Variants in NET1 observed in about 807,000 individuals in gnomAD.
NET1 encodes neuroepithelial cell-transforming gene 1 protein.
A neutral mutation model predicts 61.1 loss-of-function variants in NET1; 42 were observed. The ratio of observed to expected loss-of-function variants is 0.69; its 90% CI spans 0.54 to 0.89. The LOEUF (loss-of-function observed/expected upper bound fraction) is 0.89, where lower values mean the gene tolerates loss of function less well. Among genes scored for constraint, NET1 ranks in the 40% least tolerant of loss-of-function variants. The probability of loss-of-function intolerance (pLI) is 0.00; values close to 1 mark genes in which losing one functional copy is unlikely to be tolerated. For missense variants in NET1, 654 were observed against 747.3 expected, an observed-to-expected ratio of 0.88 and a Z score of 1.46; for synonymous variants, 254 against 281.8, an observed-to-expected ratio of 0.90 and a Z score of 0.99.
chr10:5,417,036 A>C lies in NET1; in HGVS notation c.128+4216A>C, dbSNP rs1832093465. Among the ~76,000 whole-genome samples the C allele has an allele frequency of 6.6e-6, 1 of 152,212 alleles. No individual in the cohort carries two copies. The highest frequency in any genetic ancestry group is 2.4e-5 in the African/African-American group (1 of 41,452). On this transcript the variant is annotated intron_variant, in intron 1 of 11. Transcript: ENST00000355029. This position sits in a 1 kb window ranked among gnomAD's most constrained non-coding sequence, Gnocchi z 5.5. ...TGATTGCAAGCTTTTATAGAGTGGA[A>C]GTAGCTCTCAGCAGATGGGGGAGCC...
Position 5,447,385 on chromosome 10 carries a change from C to A in NET1, c.256-4445C>A, listed in dbSNP as rs1008328719. On this transcript the variant is annotated intron_variant, in intron 3 of 11. Transcript: ENST00000355029. This position sits in a 1 kb window ranked among gnomAD's most constrained non-coding sequence, Gnocchi z 4.1. ...ACCAGTGACTCATTATTTTTACCCT[C>A]CTTGCTTTGTCTGAGTCTTTTTTTA... Among the ~76,000 whole-genome samples the A allele has an allele frequency of 5.3e-5, 8 of 152,162 alleles. No individual in the cohort carries two copies. The highest frequency in any genetic ancestry group is 5.2e-4 in the Admixed American group (8 of 15,276).
Position 5,439,913 on chromosome 10 carries a change from A to G in NET1, c.255+10684A>G, listed in dbSNP as rs953881898. ...TCAAAACTATCACAGCAACATTCCC[A>G]AATATAGCAGATACTGCCTCCAAAA... On this transcript the variant is annotated intron_variant, in intron 3 of 11. Coordinates refer to ENST00000355029, the MANE Select transcript of NET1 (RefSeq NM_001047160.3). This position sits in a 1 kb window ranked among gnomAD's most constrained non-coding sequence, Gnocchi z 4.8. Among the ~76,000 whole-genome samples the G allele has an allele frequency of 6.6e-6, 1 of 152,166 alleles. No homozygotes were observed. Among genetic ancestry groups the G allele is most frequent in the Non-Finnish European group, 1.5e-5 (1 of 68,008 alleles).
At position 5,454,186 on chromosome 10, in the gene NET1, G is replaced by C; in HGVS notation, c.769-79G>C. The stretch of plus-strand genomic sequence containing the variant: ...ACTCTCAAGAATAGCTGTACATTTT[G>C]TGTTTCATGTTTGCAGGCTTGTTAA... On this transcript the variant is annotated intron_variant, in intron 8 of 11. Transcript: ENST00000355029. This position sits in a 1 kb window ranked among gnomAD's most constrained non-coding sequence, Gnocchi z 8.1. 7.1e-7 allele frequency: 1 copy of C among 1,400,722 alleles called. No individual in the cohort carries two copies. The highest frequency in any genetic ancestry group is 9.7e-7 in the Non-Finnish European group (1 of 1,028,406). 86.8% of individuals were successfully genotyped at this position (1,400,722 alleles called of 1,614,324 possible).
In NET1 at chr10:5,416,472, T is replaced by C. The variant is rs1462880709; in HGVS notation, c.128+3652T>C. Reference sequence around the variant, plus strand: ...TTCTGATAGAGATTGCATTAAATCTTGTAGATCATTTTCAGGAGTATTGCC... The same window carrying C: ...TTCTGATAGAGATTGCATTAAATCTCGTAGATCATTTTCAGGAGTATTGCC... On this transcript the variant is annotated intron_variant, in intron 1 of 11. Transcript: ENST00000355029. This position sits in a 1 kb window ranked among gnomAD's most constrained non-coding sequence, Gnocchi z 6.1. Among the ~76,000 whole-genome samples, 1 of 152,216 alleles carries C rather than the reference T, an allele frequency of 6.6e-6. No individual in the cohort carries two copies. The highest frequency in any genetic ancestry group is 1.9e-4 in the East Asian group (1 of 5,196).
Position 5,433,557 on chromosome 10 carries a change from A to C in NET1, c.255+4328A>C, listed in dbSNP as rs534568730. On this transcript the variant is annotated intron_variant, in intron 3 of 11. Transcript: ENST00000355029. ...GCATGTTCTTTTCAGTTTGTTTGCAACCTTTATACTTGAAGGTTCATTTGG... is the reference window on the plus strand; with the variant it reads ...GCATGTTCTTTTCAGTTTGTTTGCACCCTTTATACTTGAAGGTTCATTTGG... Among the ~76,000 whole-genome samples the C allele has an allele frequency of 1.1e-4, 17 of 152,136 alleles. No homozygotes were observed. The South Asian group carries it at 3.3e-3, about 30-fold the overall frequency.
At chr10:5,413,287 C>A (rs1832032153) in intron 1 of NET1, among the ~76,000 whole-genome samples, 1 of 152,092 alleles carries the variant, frequency 6.6e-6, no homozygotes, top group Non-Finnish European at 1.5e-5. Context: ...TTGCTCAGAC[C>A]GAAACTGTCA....
Position 5,417,743 on chromosome 10 carries a change from C to G in NET1, c.128+4923C>G, listed in dbSNP as rs1352194272. Among the ~76,000 whole-genome samples the G allele has an allele frequency of 6.6e-6, 1 of 152,110 alleles. No individual in the cohort carries two copies. Among genetic ancestry groups the G allele is most frequent in the African/African-American group, 2.4e-5 (1 of 41,420 alleles). On this transcript the variant is annotated intron_variant, in intron 1 of 11. Coordinates refer to ENST00000355029, the MANE Select transcript of NET1 (RefSeq NM_001047160.3). This position sits in a 1 kb window ranked among gnomAD's most constrained non-coding sequence, Gnocchi z 5.5. ...AAGTGGAGAGACGGGAAATTCTTGT[C>G]TTGTTTCTGATCTTAAGGGGAAAGC...
chr10:5,416,161 C>T lies in NET1; in HGVS notation c.128+3341C>T, dbSNP rs1007417346. 1.3e-5 allele frequency among the ~76,000 whole-genome samples: 2 copies of T among 152,232 alleles called. No homozygotes were observed. The highest frequency in any genetic ancestry group is 4.8e-5 in the African/African-American group (2 of 41,466). On this transcript the variant is annotated intron_variant, in intron 1 of 11. Transcript: ENST00000355029. The surrounding 1 kb of genome is among the most constrained non-coding windows in gnomAD (Gnocchi z 6.1). The stretch of plus-strand genomic sequence containing the variant: ...TTTTTGAAGACTGTTCTTTCTCCCA[C>T]TGAGTAGTCTTAGCACCCTTGTCAA...
chr10:5,440,301 T>C lies in NET1; in HGVS notation c.255+11072T>C, dbSNP rs1471413727. Among the ~76,000 whole-genome samples the C allele has an allele frequency of 6.6e-6, 1 of 152,216 alleles. No individual in the cohort carries two copies. The highest frequency in any genetic ancestry group is 1.5e-5 in the Non-Finnish European group (1 of 68,034). On this transcript the variant is annotated intron_variant, in intron 3 of 11. Transcript: ENST00000355029. This position sits in a 1 kb window ranked among gnomAD's most constrained non-coding sequence, Gnocchi z 4.1. ...AAAGCAAACTACTTTTGACCCTTCT[T>C]ACTAATGAGGATTGAAAAGAACACA... is the stretch of plus-strand genomic sequence containing the variant.
At position 5,422,001 on chromosome 10, in the gene NET1, C is replaced by T. The variant is rs545992664; in HGVS notation, c.129-4654C>T. ...CAGCTGTTGTACATTTGATTTGTTT[C>T]CAGTTTGGTGCTTTTATGGATAATG... is the stretch of plus-strand genomic sequence containing the variant. On this transcript the variant is annotated intron_variant, in intron 1 of 11. Transcript: ENST00000355029. The surrounding 1 kb of genome is among the most constrained non-coding windows in gnomAD (Gnocchi z 4.1). Among the ~76,000 whole-genome samples the T allele has an allele frequency of 5.9e-5, 9 of 152,280 alleles. No homozygotes were observed. The highest frequency in any genetic ancestry group is 1.9e-4 in the East Asian group (1 of 5,192).
rs1055698190 is a variant in NET1 at position 5,446,464 on chromosome 10, C to T, written c.256-5366C>T. The T allele has an allele frequency of 1.5e-6, 1 of 647,054 alleles. No homozygotes were observed. Among genetic ancestry groups the T allele is most frequent in the African/African-American group, 1.9e-5 (1 of 52,122 alleles). The allele number at this position is 647,054 out of a possible 1,614,324, so 40.1% of individuals were successfully genotyped here. A position where few individuals can be genotyped will look rare whatever the true frequency, so the allele number is the denominator to read the frequency against. On this transcript the variant is annotated intron_variant, in intron 3 of 11. Coordinates refer to ENST00000355029, the MANE Select transcript of NET1 (RefSeq NM_001047160.3). This position sits in a 1 kb window ranked among gnomAD's most constrained non-coding sequence, Gnocchi z 5.0. ...TCCTACTTGAACCCAGCTTCACTCTCCTCCTGGGCGAAAGCTGAGAGGCCT... is the reference window on the plus strand; with the variant it reads ...TCCTACTTGAACCCAGCTTCACTCTTCTCCTGGGCGAAAGCTGAGAGGCCT...
rs376326242 is a variant in NET1, at chr10:5,448,134, G to A, written c.256-3696G>A. 4.6e-5 allele frequency among the ~76,000 whole-genome samples: 7 copies of A among 152,182 alleles called. No individual in the cohort carries two copies. In the East Asian group the frequency reaches 5.8e-4, roughly 13 times the overall value. ...AGTTTTGCTAAAGATTTTAAGAGAA[G>A]ATTATTTAACTATTATAACCCAAAG... On this transcript the variant is annotated intron_variant, in intron 3 of 11. Transcript: ENST00000355029.
Position 5,452,885 on chromosome 10 carries a change from C to T in NET1, c.559C>T (p.Gln187Ter), listed in dbSNP as rs768271056. ...AATATATGAAATGTCCCGAGGTGAA[C>T]AGGATTTAATTGAGGATCTCAAACT... ...EAIYEMSRGEQDLIEDLKLAR... is the reference protein window; with the variant it reads ...EAIYEMSRGE Residue 187 changes from glutamine (Q) to a stop codon, truncating the protein, a stop_gained, in exon 6 of 12, where the codon CAG (glutamine) becomes TAG (stop). Coordinates refer to ENST00000355029, the MANE Select transcript of NET1 (RefSeq NM_001047160.3). LOFTEE classifies it high-confidence loss of function. This position sits in a 1 kb window ranked among gnomAD's most constrained non-coding sequence, Gnocchi z 4.0. 5 of 1,613,564 alleles carry T rather than the reference C, an allele frequency of 3.1e-6. No individual in the cohort carries two copies. In the South Asian group the frequency reaches 5.5e-5, roughly 18 times the overall value.
chr10:5,413,584 A>G (rs1832036853), intron 1 of NET1, among the ~76,000 whole-genome samples: 1 of 152,246 alleles, frequency 6.6e-6, no homozygotes, highest in African/African-American at 2.4e-5. Context: ...AAGAATTTCA[A>G]GAAGAGGACG....
chr10:5,438,962 C>T (rs933229824), intron 3 of NET1, among the ~76,000 whole-genome samples: 20 of 152,222 alleles, frequency 1.3e-4, no homozygotes, highest in East Asian at 1.9e-4. Flanking sequence ...GAATCCACAA[C>T]GTAAATCACT....
chr10:5,436,185 GTTGTGTGTGT>G (rs1419617940), intron 3 of NET1, among the ~76,000 whole-genome samples: 2 of 9,000 alleles, frequency 2.2e-4, no homozygotes, highest in Non-Finnish European at 4.3e-4. Flanking sequence ...GTGTGTGTGT[GTTGTGTGTGT>G]GTGTGTGTGT....
At chr10:5,434,891 A>G (rs990973384) in intron 3 of NET1, among the ~76,000 whole-genome samples, 1 of 152,146 alleles carries the variant, frequency 6.6e-6, no homozygotes, top group East Asian at 1.9e-4. Context: ...TATATAAAAT[A>G]TTAATATCCT....
At chr10:5,428,038 C>CTTT (rs57698527) in intron 2 of NET1, among the ~76,000 whole-genome samples, 3 of 113,904 alleles carry the variant, frequency 2.6e-5, no homozygotes, top group African/African-American at 1.0e-4. Flanking sequence ...TTTGCCGTTC[C>CTTT]TTTTTTTTTT....
rs749159822 is a variant in NET1 at position 5,444,961 on chromosome 10, G to A, written c.256-6869G>A. 1.2e-4 allele frequency among the ~76,000 whole-genome samples: 18 copies of A among 152,114 alleles called. No homozygotes were observed. The highest frequency in any genetic ancestry group is 1.7e-4 in the African/African-American group (7 of 41,412). The stretch of plus-strand genomic sequence containing the variant: ...CCCTCCTATTTAAAGAATTGTAGGC[G>A]TCTGTGACTTCTTGCTTATATCCTT... On this transcript the variant is annotated intron_variant, in intron 3 of 11. Coordinates refer to ENST00000355029, the MANE Select transcript of NET1 (RefSeq NM_001047160.3). This position sits in a 1 kb window ranked among gnomAD's most constrained non-coding sequence, Gnocchi z 5.3.
Sources: gnomAD v4.1 joint callset for allele counts (sites outside exome capture counted in the v4.1 genomes callset) on GRCh38, gnomAD v4.1.1 for gene constraint, Gnocchi (gnomAD v3.1) non-coding constraint, MANE v1.5 for transcripts, NCBI Gene and HGNC (gene_info 2026-07-23, HGNC 2026-07-21) for gene names.